NPRL3: variants seen among roughly 807,000 people sequenced by gnomAD.
The protein encoded by NPRL3 is NPR3 like, GATOR1 complex subunit.
NPRL3 carries 23 observed loss-of-function variants against 57.2 expected under a neutral mutation model. The observed-to-expected ratio is 0.40, with a 90% confidence interval of 0.29 to 0.57. NPRL3 has a LOEUF of 0.57. Among genes scored for constraint, NPRL3 ranks in the 20% least tolerant of loss-of-function variants. The pLI, the probability that NPRL3 is intolerant of heterozygous loss-of-function variation, is 0.42. For synonymous variants in NPRL3, 333 were observed against 321.1 expected, an observed-to-expected ratio of 1.04 and a Z score of -0.39; for missense variants, 691 against 767.1, an observed-to-expected ratio of 0.90 and a Z score of 1.17.
intron 1 of NPRL3, 77 bp from the exon 2 acceptor site, chr16:138,411 G>A (rs1901235421): frequency 4.7e-6 from 2 of 421,544 alleles, no homozygotes; most frequent in East Asian, 1.1e-4. Context: ...AGGAGGGCAG[G>A]GGTGGAGGCG....
chr16:112,675 C>G lies in NPRL3; in HGVS notation c.494G>C (p.Arg165Pro). The G allele has an allele frequency of 6.2e-7, 1 of 1,608,356 alleles. No individual in the cohort carries two copies. Among genetic ancestry groups the G allele is most frequent in the Non-Finnish European group, 8.5e-7 (1 of 1,177,378 alleles). ...HEERRCQYLT[R>P]EAKLILALQD... Reference sequence around the variant, plus strand: ...GAGCGCCAGGATCAGCTTGGCCTCCCGGGTGAGGTACTGGCAGCGGCGCTC... The same window carrying G: ...GAGCGCCAGGATCAGCTTGGCCTCCGGGGTGAGGTACTGGCAGCGGCGCTC... The change falls in exon 6 of 14, where the codon CGG becomes CCG. Residue 165 changes from arginine to proline, a missense_variant. Physicochemically the swap from Arg to Pro is moderately radical, Grantham distance 103. Transcript: ENST00000611875.
At chr16:87,420 A>G (rs1363483824) in intron 13 of NPRL3, among the ~76,000 whole-genome samples, 1 of 151,920 alleles carries the variant, frequency 6.6e-6, no homozygotes, top group African/African-American at 2.4e-5. Flanking sequence ...TTTTTAGTAG[A>G]GACAGGGTTT....
At chr16:93,478 T>C (rs1449872541) in intron 9 of NPRL3, among the ~76,000 whole-genome samples, 153 bp from the exon 10 acceptor site, 1 of 151,878 alleles carries the variant, frequency 6.6e-6, no homozygotes, top group African/African-American at 2.4e-5. Context: ...GGCCCGAGAC[T>C]TCCTCCCTAA....
intron 2 of NPRL3, among the ~76,000 whole-genome samples, chr16:135,067 G>A (rs377489532): frequency 1.3e-5 from 2 of 152,286 alleles, no homozygotes; most frequent in East Asian, 3.9e-4. Context: ...ACAAAAAATA[G>A]ATCCAAGTAA....
chr16:112,335 T>C (rs1214941141), intron 6 of NPRL3, among the ~76,000 whole-genome samples: 1 of 152,198 alleles, frequency 6.6e-6, no homozygotes, highest in African/African-American at 2.4e-5. Flanking sequence ...ATCAGCCCCG[T>C]GTGAAGATCA....
chr16:137,282 C>G (rs1901140814), intron 2 of NPRL3, among the ~76,000 whole-genome samples: 1 of 152,168 alleles, frequency 6.6e-6, no homozygotes, highest in Non-Finnish European at 1.5e-5. Context: ...CAAAAGTAAC[C>G]TACATGCCGT....
intron 2 of NPRL3, among the ~76,000 whole-genome samples, chr16:132,395 T>C (rs1440048472): frequency 6.6e-6 from 1 of 152,188 alleles, no homozygotes; most frequent in Admixed American, 6.5e-5. Context: ...AGTCACATCT[T>C]TAGGCCCTAC....
chr16:93,171 A>G, intron 10 of NPRL3, 48 bp downstream of exon 10: 1 of 1,258,158 alleles, frequency 7.9e-7, no homozygotes, highest in Non-Finnish European at 1.1e-6. Flanking sequence ...TGCCAGCCTC[A>G]CCCCTTCCCA....
chr16:102,746 C>T (rs549042423), intron 7 of NPRL3, among the ~76,000 whole-genome samples: 20 of 152,324 alleles, frequency 1.3e-4, no homozygotes, highest in African/African-American at 4.6e-4. Flanking sequence ...GCCCCTCGGA[C>T]GTCTCTTAGG....
chr16:126,016 A>G (rs1435623839), intron 3 of NPRL3: 1 of 152,112 alleles, frequency 6.6e-6, no homozygotes, highest in Non-Finnish European at 1.5e-5. Context: ...CACTGCTACA[A>G]AAGTGGCCAA....
At chr16:91,684 G>A (rs1445774965) in intron 11 of NPRL3, among the ~76,000 whole-genome samples, 2 of 152,228 alleles carry the variant, frequency 1.3e-5, no homozygotes, top group Non-Finnish European at 2.9e-5. Flanking sequence ...AGCGTCTAAC[G>A]GAGCTGAAAA....
chr16:134,797 G>C (rs968234183), intron 2 of NPRL3, among the ~76,000 whole-genome samples: 1 of 147,764 alleles, frequency 6.8e-6, no homozygotes, highest in East Asian at 2.0e-4. Context: ...CGCCTCCCGG[G>C]TTCACGCCAT....
At chr16:123,783 CA>C in intron 3 of NPRL3, among the ~76,000 whole-genome samples, 1 of 144,292 alleles carries the variant, frequency 6.9e-6, no homozygotes, top group Non-Finnish European at 1.5e-5. Flanking sequence ...CAGGGTCACA[CA>C]CTCCCCACGC....
chr16:98,886 C>T (rs1362591545), intron 8 of NPRL3, among the ~76,000 whole-genome samples: 1 of 152,062 alleles, frequency 6.6e-6, no homozygotes, highest in Non-Finnish European at 1.5e-5. Context: ...TGCAGTGAGC[C>T]GAGATTGCGC....
In NPRL3 at chr16:85,530, G is replaced by A. The variant is rs1898415899; in HGVS notation, c.*1175C>T. 6.2e-7 allele frequency: 1 copy of A among 1,613,410 alleles called. No individual in the cohort carries two copies. Among genetic ancestry groups the A allele is most frequent in the South Asian group, 1.1e-5 (1 of 91,086 alleles). The stretch of plus-strand genomic sequence containing the variant: ...CTCAAGGACCGCGAGCTCTGCAGTG[G>A]CCCCTCCAAGCTGTGCCAGGCCCTG... On this transcript the variant is annotated 3_prime_UTR_variant, in exon 14 of 14. Transcript: ENST00000611875.
chr16:127,876 C>G (rs910621387), intron 3 of NPRL3, among the ~76,000 whole-genome samples: 4 of 151,718 alleles, frequency 2.6e-5, no homozygotes, highest in Admixed American at 2.6e-4. Context: ...GGATGAGTCT[C>G]GATCTCCTGA....
chr16:95,348 T>TACACAC (rs769252741), intron 9 of NPRL3, among the ~76,000 whole-genome samples: 96 of 45,014 alleles, frequency 2.1e-3, no homozygotes, highest in South Asian at 5.4e-3. Context: ...TATATATATA[T>TACACAC]ATACACACAC....
chr16:95,369 ACAC>A (rs1898960060), intron 9 of NPRL3, among the ~76,000 whole-genome samples: 1 of 147,776 alleles, frequency 6.8e-6, no homozygotes, highest in African/African-American at 2.5e-5. Flanking sequence ...ACACACACAC[ACAC>A]ACACACACAC....
chr16:88,977 A>G (rs1596495383), intron 12 of NPRL3, 87 bp from the exon 13 acceptor site: 6 of 1,207,048 alleles, frequency 5.0e-6, no homozygotes, highest in East Asian at 2.5e-5. Flanking sequence ...CCAGCCTCCA[A>G]TGACACCCCT....
Sources: gnomAD v4.1 joint callset for allele counts (sites outside exome capture counted in the v4.1 genomes callset) on GRCh38, gnomAD v4.1.1 for gene constraint, MANE v1.5 for transcripts, NCBI Gene and HGNC (gene_info 2026-07-23, HGNC 2026-07-21) for gene names.